The following EYS variants were observed in gnomAD, a reference collection of about 807,000 sequenced individuals.
EYS encodes the protein EGF-like photoreceptor maintenance factor.
In EYS, 250 loss-of-function variants were observed where a neutral mutation model predicts 282.1. The observed-to-expected ratio is 0.89, with a 90% CI of 0.80 to 0.98. The LOEUF (loss-of-function observed/expected upper bound fraction) is 0.98, where lower values mean the gene tolerates loss of function less well. EYS is among the 50% of genes least tolerant of loss of function. EYS has a pLI of 0.00. For missense variants in EYS, 4,016 were observed against 3,709.0 expected (o/e 1.08, Z -2.15); for synonymous variants, 1,355 against 1,282.9 (o/e 1.06, Z -1.20).
intron 1 of EYS, among the ~76,000 whole-genome samples, chr6:65,699,108 G>T (rs1769562491): frequency 6.6e-6 from 1 of 152,052 alleles, no homozygotes; most frequent in African/African-American, 2.4e-5. Flanking sequence ...GTTAACAATG[G>T]CACTTGATTC....
At chr6:65,260,874 A>T (rs143537478) in intron 12 of EYS, among the ~76,000 whole-genome samples, 1 of 152,248 alleles carries the variant, frequency 6.6e-6, no homozygotes, top group Non-Finnish European at 1.5e-5. Flanking sequence ...GAAAGAGATC[A>T]CTACCTTTAT....
At chr6:65,650,253 T>A (rs1399115269) in intron 1 of EYS, among the ~76,000 whole-genome samples, 1 of 152,126 alleles carries the variant, frequency 6.6e-6, no homozygotes, top group Non-Finnish European at 1.5e-5. Flanking sequence ...TTGTTACATA[T>A]CTATAGGCTG....
At position 65,587,064 on chromosome 6, in the gene EYS, T is replaced by C. The variant is rs148469386; in HGVS notation, c.-333+52714A>G. ...TATCTTGAAGTATATGCATTAAATG[T>C]TCCATATTTTAGGCTACCATTGAGA... is the stretch of plus-strand genomic sequence containing the variant. On this transcript the variant is annotated intron_variant, in intron 2 of 42. Transcript: ENST00000503581. Among the ~76,000 whole-genome samples, 834 of 152,170 alleles carry C rather than the reference T, an allele frequency of 5.5e-3. 10 individuals are homozygous for C. Among genetic ancestry groups the C allele is most frequent in the Middle Eastern group, 0.02 (6 of 294 alleles).
At chr6:65,422,761 A>G (rs1004196982) in intron 5 of EYS, among the ~76,000 whole-genome samples, 10 of 151,802 alleles carry the variant, frequency 6.6e-5, no homozygotes, top group East Asian at 1.9e-4. Flanking sequence ...AATAACATTT[A>G]ACAAATACAT....
At chr6:64,767,062 A>G (rs2149983008) in intron 22 of EYS, among the ~76,000 whole-genome samples, 1 of 150,244 alleles carries the variant, frequency 6.7e-6, no homozygotes, top group South Asian at 2.1e-4. Context: ...CACATGAGCT[A>G]TATATTTTTT....
At chr6:64,392,899 A>G (rs1195058878) in intron 28 of EYS, among the ~76,000 whole-genome samples, 1 of 152,126 alleles carries the variant, frequency 6.6e-6, no homozygotes, top group Non-Finnish European at 1.5e-5. Context: ...ATAAAGAAAA[A>G]AAGAGAGAAG....
intron 31 of EYS, among the ~76,000 whole-genome samples, chr6:64,117,688 G>C (rs1033476683): frequency 6.6e-6 from 1 of 151,516 alleles, no homozygotes; most frequent in Admixed American, 6.6e-5. Flanking sequence ...CATAGTACTA[G>C]AGGTCCTAGC....
intron 22 of EYS, among the ~76,000 whole-genome samples, chr6:64,715,139 T>A (rs1771344816): frequency 6.6e-6 from 1 of 152,198 alleles, no homozygotes; most frequent in Non-Finnish European, 1.5e-5. Flanking sequence ...ATTTATCATG[T>A]ACTTTATTTC....
At chr6:63,786,338 A>G (rs1770360661) in intron 39 of EYS, 2 of 152,272 alleles carry the variant, frequency 1.3e-5, no homozygotes, top group South Asian at 4.1e-4. Flanking sequence ...CCTTACTCCA[A>G]CTATTAAATT....
intron 26 of EYS, among the ~76,000 whole-genome samples, chr6:64,477,551 CGT>C (rs1776312035): frequency 6.6e-6 from 1 of 151,726 alleles, no homozygotes; most frequent in Non-Finnish European, 1.5e-5. Context: ...CCACATGGCC[CGT>C]TGCTGATCAC....
intron 30 of EYS, among the ~76,000 whole-genome samples, chr6:64,275,365 G>A (rs1221307969): frequency 1.3e-5 from 2 of 151,852 alleles, no homozygotes; most frequent in East Asian, 3.9e-4. Context: ...ATATAATTGG[G>A]AGAAACTTTC....
At chr6:64,695,945 AT>A (rs1006444631) in intron 22 of EYS, among the ~76,000 whole-genome samples, 57 of 152,090 alleles carry the variant, frequency 3.7e-4, no homozygotes, top group African/African-American at 8.4e-4. Flanking sequence ...TACTGGAAGT[AT>A]TTTTTTTAAA....
At chr6:65,003,752 C>T (rs2024836) in intron 13 of EYS, among the ~76,000 whole-genome samples, 11,448 of 147,012 alleles carry the variant, frequency 0.078, 1,771 homozygotes, top group East Asian at 0.17. Context: ...ACGTGAATAT[C>T]AGGGCAGGTT....
intron 41 of EYS, among the ~76,000 whole-genome samples, chr6:63,735,249 G>T (rs1480035509): frequency 6.6e-6 from 1 of 152,008 alleles, no homozygotes; most frequent in Non-Finnish European, 1.5e-5. Flanking sequence ...AAATCATTTT[G>T]TGCAATGGAA....
chr6:64,053,014 T>G (rs945109988), intron 33 of EYS, among the ~76,000 whole-genome samples: 1 of 152,162 alleles, frequency 6.6e-6, no homozygotes, highest in Non-Finnish European at 1.5e-5. Flanking sequence ...TACATTAAAA[T>G]TTTTGATTTA....
intron 26 of EYS, 21 bp downstream of exon 26, chr6:64,590,202 A>G (rs757628688): frequency 4.0e-4 from 607 of 1,508,114 alleles, no homozygotes; most frequent in Middle Eastern, 5.2e-4. Context: ...AAGTTTACTG[A>G]ACAGAAACTG....
At chr6:65,006,166 A>T (rs1771647159) in intron 13 of EYS, among the ~76,000 whole-genome samples, 1 of 152,048 alleles carries the variant, frequency 6.6e-6, no homozygotes, top group African/African-American at 2.4e-5. Context: ...CACCTGTGCC[A>T]GGGCCCCAAG....
intron 31 of EYS, among the ~76,000 whole-genome samples, chr6:64,111,944 C>G (rs1019306990): frequency 6.6e-6 from 1 of 151,984 alleles, no homozygotes; most frequent in Admixed American, 6.6e-5. Context: ...GTACTTGAGC[C>G]ATTAGTGTCT....
chr6:65,197,130 C>G (rs1765787473), intron 12 of EYS, among the ~76,000 whole-genome samples: 1 of 151,998 alleles, frequency 6.6e-6, no homozygotes, highest in South Asian at 2.1e-4. Flanking sequence ...ACATGAGAGG[C>G]AGAATACAGG....
Sources: gnomAD v4.1 joint callset for allele counts (sites outside exome capture counted in the v4.1 genomes callset) on GRCh38, gnomAD v4.1.1 for gene constraint, MANE v1.5 for transcripts, NCBI Gene and HGNC (gene_info 2026-07-23, HGNC 2026-07-21) for gene names.